Variants in GABRG1 observed in about 807,000 individuals in gnomAD.
The protein encoded by GABRG1 is gamma-aminobutyric acid type A receptor subunit gamma1.
GABRG1 carries 49 observed loss-of-function variants against 49.8 expected under a neutral mutation model. The ratio of observed to expected loss-of-function variants is 0.98; its 90% CI spans 0.78 to 1.25. GABRG1 has a LOEUF of 1.25. Ranked by LOEUF, GABRG1 falls within the 50% of genes most tolerant of loss-of-function variation. The pLI, the probability that GABRG1 is intolerant of heterozygous loss-of-function variation, is 0.00. For synonymous variants in GABRG1, 232 were observed against 185.1 expected, an observed-to-expected ratio of 1.25 and a Z score of -2.06; for missense variants, 552 against 552.3, an observed-to-expected ratio of 1.00 and a Z score of 0.01.
chr4:46,098,334 A>G (rs1361584330), intron 1 of GABRG1, among the ~76,000 whole-genome samples: 5 of 151,750 alleles, frequency 3.3e-5, no homozygotes, highest in South Asian at 2.1e-4. Flanking sequence ...TTAACAACAC[A>G]CCCATTTTAG....
intron 3 of GABRG1, among the ~76,000 whole-genome samples, chr4:46,074,535 C>T (rs1306357594): frequency 6.6e-6 from 1 of 152,062 alleles, no homozygotes; most frequent in Non-Finnish European, 1.5e-5. Flanking sequence ...ACCAGGAAAT[C>T]CAAGGCTTAT....
intron 8 of GABRG1, among the ~76,000 whole-genome samples, chr4:46,043,188 G>T (rs1488106827): frequency 6.6e-6 from 1 of 151,874 alleles, no homozygotes; most frequent in Non-Finnish European, 1.5e-5. Context: ...ATGGAAATAT[G>T]GTGTGTTTTT....
intron 5 of GABRG1, among the ~76,000 whole-genome samples, chr4:46,063,634 T>A (rs1718796474): frequency 6.6e-6 from 1 of 152,022 alleles, no homozygotes; most frequent in African/African-American, 2.4e-5. Context: ...GGACTTCATG[T>A]CTAAAACACC....
At chr4:46,047,401 T>G (rs1451217870) in intron 8 of GABRG1, among the ~76,000 whole-genome samples, 2 of 152,086 alleles carry the variant, frequency 1.3e-5, no homozygotes, top group Non-Finnish European at 2.9e-5. Flanking sequence ...TTCTCTGGAA[T>G]TTTCCTTGCC....
intron 3 of GABRG1, among the ~76,000 whole-genome samples, chr4:46,068,893 T>C (rs1577645337): frequency 6.6e-6 from 1 of 152,218 alleles, no homozygotes; most frequent in Non-Finnish European, 1.5e-5. Context: ...AAGATAAACA[T>C]TTTGAGATAA....
At position 46,117,046 on chromosome 4, in the gene GABRG1, G is replaced by C. The variant is rs1007116154; in HGVS notation, c.104+6764C>G. Reference sequence around the variant, plus strand: ...TACTGTACCTAATGTACAACCATTAGTGATTGTTCTAGAAATCTGCCTAAA... The same window carrying C: ...TACTGTACCTAATGTACAACCATTACTGATTGTTCTAGAAATCTGCCTAAA... On this transcript the variant is annotated intron_variant, in intron 1 of 8. Coordinates refer to ENST00000295452, the MANE Select transcript of GABRG1 (RefSeq NM_173536.4). Among the ~76,000 whole-genome samples, 4 of 150,450 alleles carry C rather than the reference G, an allele frequency of 2.7e-5. No individual in the cohort carries two copies. In the Admixed American group the frequency reaches 2.7e-4, roughly 10 times the overall value.
intron 2 of GABRG1, 42 bp downstream of exon 2, chr4:46,097,159 T>G (rs1340348228): frequency 6.5e-7 from 1 of 1,541,214 alleles, no homozygotes; most frequent in East Asian, 2.3e-5. Context: ...TAATGATATG[T>G]TTAATGGTCA....
At chr4:46,123,585 T>C (rs1721162906) in intron 1 of GABRG1, among the ~76,000 whole-genome samples, 1 of 152,100 alleles carries the variant, frequency 6.6e-6, no homozygotes, top group Admixed American at 6.6e-5. Flanking sequence ...ATACTCTGCT[T>C]GAAGTCAAAA....
At position 46,041,731 on chromosome 4, in the gene GABRG1, T is replaced by A. The variant is rs140955386; in HGVS notation, c.1132-477A>T. Among the ~76,000 whole-genome samples, 341 of 152,158 alleles carry A rather than the reference T, an allele frequency of 2.2e-3. 1 individual carries two copies. Among genetic ancestry groups the A allele is most frequent in the Non-Finnish European group, 4.1e-3 (280 of 67,960 alleles). On this transcript the variant is annotated intron_variant, in intron 8 of 8. Transcript: ENST00000295452. Reference sequence around the variant, plus strand: ...ACAAAAAAAGTTATGGGGTTTGTGATGGGTAAGCACAAGGCACCATATTTG... The same window carrying A: ...ACAAAAAAAGTTATGGGGTTTGTGAAGGGTAAGCACAAGGCACCATATTTG...
chr4:46,069,312 A>G (rs984250312), intron 3 of GABRG1, among the ~76,000 whole-genome samples: 1 of 152,084 alleles, frequency 6.6e-6, no homozygotes, highest in African/African-American at 2.4e-5. Flanking sequence ...AGAACGGTGG[A>G]CCTAATAATT....
intron 3 of GABRG1, among the ~76,000 whole-genome samples, chr4:46,073,084 C>T (rs1719197283): frequency 6.6e-6 from 1 of 151,750 alleles, no homozygotes; most frequent in South Asian, 2.1e-4. Context: ...CAAAAACATG[C>T]CTACTATTTT....
chr4:46,060,629 T>C (rs1718636539), intron 5 of GABRG1, among the ~76,000 whole-genome samples: 2 of 152,208 alleles, frequency 1.3e-5, no homozygotes, highest in African/African-American at 4.8e-5. Flanking sequence ...AAAAATAGTA[T>C]ATCCATGTAT....
At chr4:46,123,371 G>A (rs1010321801) in intron 1 of GABRG1, among the ~76,000 whole-genome samples, 1 of 152,066 alleles carries the variant, frequency 6.6e-6, no homozygotes, top group African/African-American at 2.4e-5. Context: ...AAGGGGAAAA[G>A]CAATAGCAGT....
At chr4:46,059,393 CTT>C (rs564782301) in intron 5 of GABRG1, among the ~76,000 whole-genome samples, 3 of 143,990 alleles carry the variant, frequency 2.1e-5, no homozygotes, top group Non-Finnish European at 3.1e-5. Context: ...ACATATTCTC[CTT>C]TTTTTTTTTT....
At chr4:46,105,583 A>C (rs1720507358) in intron 1 of GABRG1, among the ~76,000 whole-genome samples, 1 of 151,446 alleles carries the variant, frequency 6.6e-6, no homozygotes, top group Admixed American at 6.6e-5. Context: ...AAAAATTTTT[A>C]AGTTCAGAAA....
intron 3 of GABRG1, among the ~76,000 whole-genome samples, chr4:46,079,977 C>T (rs1186184337): frequency 6.6e-6 from 1 of 151,748 alleles, no homozygotes; most frequent in Non-Finnish European, 1.5e-5. Flanking sequence ...ATAATCAAAC[C>T]ATATATAAAA....
chr4:46,040,766 G>C lies in GABRG1; in HGVS notation c.*222C>G. Reference sequence around the variant, plus strand: ...AGAAAATTTAAGTAAAAATATGTGAGTATTTTAACCTACTGGATTTTGCAA... The same window carrying C: ...AGAAAATTTAAGTAAAAATATGTGACTATTTTAACCTACTGGATTTTGCAA... On this transcript the variant is annotated 3_prime_UTR_variant, in exon 9 of 9. Coordinates refer to ENST00000295452, the MANE Select transcript of GABRG1 (RefSeq NM_173536.4). 1 of 370,442 alleles carries C rather than the reference G, an allele frequency of 2.7e-6. No homozygotes were observed. Among genetic ancestry groups the C allele is most frequent in the Non-Finnish European group, 4.8e-6 (1 of 209,542 alleles). 22.9% of individuals were successfully genotyped at this position (370,442 alleles called of 1,614,324 possible).
At chr4:46,076,747 T>TA (rs1303788232) in intron 3 of GABRG1, among the ~76,000 whole-genome samples, 16 of 151,592 alleles carry the variant, frequency 1.1e-4, no homozygotes, top group Admixed American at 7.9e-4. Context: ...CATAAAAAAC[T>TA]AAAAAAATTG....
At chr4:46,085,726 T>C (rs1426709051) in intron 2 of GABRG1, among the ~76,000 whole-genome samples, 2 of 151,522 alleles carry the variant, frequency 1.3e-5, no homozygotes, top group East Asian at 3.9e-4. Flanking sequence ...AATGACTCAT[T>C]GTTGCTTTGA....
Sources: gnomAD v4.1 joint callset for allele counts (sites outside exome capture counted in the v4.1 genomes callset) on GRCh38, gnomAD v4.1.1 for gene constraint, MANE v1.5 for transcripts, NCBI Gene and HGNC (gene_info 2026-07-23, HGNC 2026-07-21) for gene names.